The following DPH5 variants were observed in gnomAD, a reference collection of about 807,000 sequenced individuals.
DPH5 encodes the protein diphthine methyl ester synthase.
In DPH5, 31 loss-of-function variants were observed where a neutral mutation model predicts 31.6. That is an observed-to-expected ratio of 0.98 (90% CI 0.74 to 1.32). The LOEUF (loss-of-function observed/expected upper bound fraction) is 1.32. Ranked by LOEUF, DPH5 falls within the 40% of genes most tolerant of loss-of-function variation. The probability of loss-of-function intolerance (pLI) is 0.00; values close to 1 mark genes in which losing one functional copy is unlikely to be tolerated. For missense variants in DPH5, 309 were observed against 335.7 expected (o/e 0.92, Z 0.62); for synonymous variants, 120 against 115.0 (o/e 1.04, Z -0.28).
chr1:101,001,619 C>A, intron 4 of DPH5, 32 bp from the exon 5 acceptor site: 1 of 1,429,856 alleles, frequency 7.0e-7, no homozygotes, highest in Middle Eastern at 1.9e-4. Context: ...AATGATGGAA[C>A]AATTAACTAC....
rs778073486 is a variant in DPH5, at chr1:101,013,742, T to C, written c.337A>G (p.Ile113Val). Residue 113 changes from isoleucine (I) to valine (V), a missense_variant, in exon 4 of 8, where the codon ATA (isoleucine) becomes GTA (valine). By Grantham distance (29) the Ile-to-Val change is conservative (BLOSUM62 3). Transcript: ENST00000370109. ...IPYRVIHNASIMNAVGCCGLQ... is the reference protein window; with the variant it reads ...IPYRVIHNASVMNAVGCCGLQ... ...CCACAGCAGCCTACAGCATTCATTATGGAGGCATTGTGAATAACTCTATAA... is the reference window on the plus strand; with the variant it reads ...CCACAGCAGCCTACAGCATTCATTACGGAGGCATTGTGAATAACTCTATAA... 3.7e-6 allele frequency: 6 copies of C among 1,612,868 alleles called. No individual in the cohort carries two copies. The South Asian group carries it at 4.4e-5, about 12-fold the overall frequency.
Position 101,021,650 on chromosome 1 carries a change from T to C in DPH5, c.251A>G (p.Asp84Gly). 1 of 1,612,702 alleles carries C rather than the reference T, an allele frequency of 6.2e-7. No individual in the cohort carries two copies. The highest frequency in any genetic ancestry group is 8.5e-7 in the Non-Finnish European group (1 of 1,179,166). ...ISDVAFLVVG[D>G]PFGATTHSDL... ...ATCTGCCTTGACTTACCCAAATGGA[T>C]CACCAACCACAAGGAATGCAACATC... The change falls in exon 3 of 8, where the codon GAT becomes GGT. Residue 84 changes from aspartate to glycine, a missense_variant. Coordinates refer to ENST00000370109, the MANE Select transcript of DPH5 (RefSeq NM_015958.3).
At chr1:101,002,184 G>C (rs1272985174) in intron 4 of DPH5, among the ~76,000 whole-genome samples, 1 of 146,506 alleles carries the variant, frequency 6.8e-6, no homozygotes. Flanking sequence ...TAGAGTTCAG[G>C]GATGAGGGCC....
intron 5 of DPH5, among the ~76,000 whole-genome samples, chr1:100,998,862 T>C (rs1658614315): frequency 6.6e-6 from 1 of 152,198 alleles, no homozygotes; most frequent in Non-Finnish European, 1.5e-5. Flanking sequence ...TAAATAAAAT[T>C]TCACTCAAGA....
At chr1:101,016,451 T>C (rs996527162) in intron 3 of DPH5, among the ~76,000 whole-genome samples, 3 of 148,196 alleles carry the variant, frequency 2.0e-5, no homozygotes, top group Admixed American at 6.6e-5. Flanking sequence ...TTCTTTCTTT[T>C]TTTTTTTTTT....
intron 3 of DPH5, among the ~76,000 whole-genome samples, chr1:101,015,636 G>T (rs905782073): frequency 6.6e-6 from 1 of 152,098 alleles, no homozygotes; most frequent in Non-Finnish European, 1.5e-5. Flanking sequence ...TTTTAAGTCC[G>T]GCATTCACTT....
At chr1:100,995,335 C>T (rs74342616) in intron 5 of DPH5, 186 bp from the exon 6 acceptor site, 8,977 of 458,996 alleles carry the variant, frequency 0.02, 150 homozygotes, top group Middle Eastern at 0.028. Context: ...AGTTAGAAAA[C>T]AAACATGAAC....
At chr1:101,023,803 C>G (rs535528813) in intron 2 of DPH5, among the ~76,000 whole-genome samples, 2 of 152,274 alleles carry the variant, frequency 1.3e-5, no homozygotes, top group South Asian at 4.1e-4. Flanking sequence ...AAGAATTATG[C>G]TGAACACCTA....
intron 4 of DPH5, among the ~76,000 whole-genome samples, chr1:101,007,961 G>A (rs894943819): frequency 4.6e-5 from 7 of 152,006 alleles, no homozygotes; most frequent in Non-Finnish European, 7.4e-5. Flanking sequence ...AAATACAAGT[G>A]TTAGAAATAT....
Position 100,992,622 on chromosome 1 carries a change from T to C in DPH5, c.634+15A>G, listed in dbSNP as rs373183399. ...CAGAGGAATAATATGAGAGCCCTTC[T>C]AGTGTCTTGAGTACCTGGTTCTTCT... is the stretch of plus-strand genomic sequence containing the variant. On this transcript the variant is annotated intron_variant, in intron 7 of 7. Coordinates refer to ENST00000370109, the MANE Select transcript of DPH5 (RefSeq NM_015958.3). The C allele has an allele frequency of 6.2e-5, 98 of 1,588,772 alleles. 1 individual carries two copies. The African/African-American group carries it at 6.8e-4, about 11-fold the overall frequency.
At chr1:101,010,475 A>G (rs1296030339) in intron 4 of DPH5, among the ~76,000 whole-genome samples, 1 of 152,268 alleles carries the variant, frequency 6.6e-6, no homozygotes, top group Non-Finnish European at 1.5e-5. Flanking sequence ...GGTAATGAAC[A>G]ATACTCAGTG....
chr1:101,025,342 G>A lies in DPH5; in HGVS notation c.102C>T (p.Tyr34=). The A allele has an allele frequency of 6.2e-7, 1 of 1,614,238 alleles. No homozygotes were observed. The highest frequency in any genetic ancestry group is 8.5e-7 in the Non-Finnish European group (1 of 1,180,042). ...CCTTCCCTACAGTTAGGACTGAGGT[G>A]TAGGCTTCCAGATACACTCGACTGC... The part of the protein sequence containing the change: ...RRCSRVYLEA[Y]TSVLTVGKEA... The change falls in exon 2 of 8, where the codon TAC becomes TAT. Residue 34 remains tyrosine (Y), a synonymous_variant. Transcript: ENST00000370109.
At chr1:101,025,638 A>G (rs998192985) in intron 1 of DPH5, 45 bp downstream of exon 1, 2 of 645,806 alleles carry the variant, frequency 3.1e-6, no homozygotes, top group Non-Finnish European at 2.6e-6. Context: ...AAACAACCCT[A>G]CCAGTTTTGC....
chr1:101,006,017 C>A (rs773604416), intron 4 of DPH5, among the ~76,000 whole-genome samples: 6 of 152,130 alleles, frequency 3.9e-5, no homozygotes, highest in Admixed American at 2.0e-4. Flanking sequence ...GTTTACTCTG[C>A]GCATCTCTTT....
At position 101,021,662 on chromosome 1, in the gene DPH5, A is replaced by G. The variant is rs765163813; in HGVS notation, c.239T>C (p.Leu80Pro). The change falls in exon 3 of 8, where the codon CTT (leucine) becomes CCT (proline). Residue 80 changes from leucine to proline, a missense_variant. Coordinates refer to ENST00000370109, the MANE Select transcript of DPH5 (RefSeq NM_015958.3). ...KDADISDVAFLVVGDPFGATT... is the reference protein window; with the variant it reads ...KDADISDVAFPVVGDPFGATT... ...TTACCCAAATGGATCACCAACCACAAGGAATGCAACATCACTGATATCAGC... is the reference window on the plus strand; with the variant it reads ...TTACCCAAATGGATCACCAACCACAGGGAATGCAACATCACTGATATCAGC... 1.2e-6 allele frequency: 2 copies of G among 1,613,514 alleles called. No individual in the cohort carries two copies. Among genetic ancestry groups the G allele is most frequent in the South Asian group, 1.1e-5 (1 of 91,026 alleles).
At chr1:100,993,802 C>T (rs539653596) in intron 6 of DPH5, among the ~76,000 whole-genome samples, 14 of 151,204 alleles carry the variant, frequency 9.3e-5, no homozygotes, top group East Asian at 3.9e-4. Context: ...AGTACAGTGG[C>T]GTGATATTGG....
At position 101,025,638 on chromosome 1, in the gene DPH5, A is replaced by T. The variant is rs998192985; in HGVS notation, c.-24+45T>A. On this transcript the variant is annotated intron_variant, in intron 1 of 7. Coordinates refer to ENST00000370109, the MANE Select transcript of DPH5 (RefSeq NM_015958.3). ...GGGATAAGAGGTTTTAAACAACCCT[A>T]CCAGTTTTGCCTCTTGTTACACAAA... 6.2e-6 allele frequency: 4 copies of T among 645,688 alleles called. No homozygotes were observed. The South Asian group carries it at 8.0e-5, about 13-fold the overall frequency. The allele number at this position is 645,688 out of a possible 1,614,324, so 40.0% of individuals were successfully genotyped here.
In DPH5 at chr1:101,025,732, A is replaced by C; in HGVS notation, c.-73T>G. The C allele has an allele frequency of 2.9e-6, 1 of 343,276 alleles. No individual in the cohort carries two copies. Among genetic ancestry groups the C allele is most frequent in the East Asian group, 6.1e-5 (1 of 16,368 alleles). The allele number at this position is 343,276 out of a possible 1,614,324, so 21.3% of individuals were successfully genotyped here. On this transcript the variant is annotated 5_prime_UTR_variant, in exon 1 of 8. Transcript: ENST00000370109. ...CTCTGGCCTTTACAAATTCTTAACTACCACCTTTCCGCAGAAGCAACTGCA... is the reference window on the plus strand; with the variant it reads ...CTCTGGCCTTTACAAATTCTTAACTCCCACCTTTCCGCAGAAGCAACTGCA...
chr1:101,015,494 T>TA (rs1324041670), intron 3 of DPH5, among the ~76,000 whole-genome samples: 1 of 152,352 alleles, frequency 6.6e-6, no homozygotes, highest in Admixed American at 6.5e-5. Context: ...TTGTTCCACT[T>TA]ACAGCGCACA....
Sources: allele counts gnomAD v4.1 joint callset (sites outside exome capture counted in the v4.1 genomes callset), GRCh38; gene constraint gnomAD v4.1.1; transcripts MANE v1.5; gene names NCBI Gene and HGNC (gene_info 2026-07-23, HGNC 2026-07-21).